Variants in GSG1L observed in about 807,000 individuals in gnomAD.
GSG1L encodes the protein germ cell-specific gene 1-like protein.
A neutral mutation model predicts 42.1 loss-of-function variants in GSG1L; 24 were observed. That is an observed-to-expected ratio of 0.57 (90% CI 0.41 to 0.80). The LOEUF (loss-of-function observed/expected upper bound fraction) is 0.80, where lower values mean the gene tolerates loss of function less well. GSG1L is among the 30% of genes least tolerant of loss of function. The pLI is 0.00. For synonymous variants in GSG1L, 215 were observed against 203.5 expected (o/e 1.06, Z -0.48); for missense variants, 445 against 472.2 (o/e 0.94, Z 0.53).
intron 3 of GSG1L, among the ~76,000 whole-genome samples, chr16:27,846,720 C>T (rs191187139): frequency 1.3e-3 from 193 of 152,030 alleles, no homozygotes; most frequent in African/African-American, 3.8e-3. Flanking sequence ...TTTGGGAGGC[C>T]GAGGCATGCG....
intron 6 of GSG1L, among the ~76,000 whole-genome samples, chr16:27,796,868 T>C (rs1448692926): frequency 1.3e-5 from 2 of 152,130 alleles, no homozygotes; most frequent in African/African-American, 2.4e-5. Context: ...GTGTTGGGCA[T>C]GTATTGTGTG....
At chr16:27,964,918 G>A (rs1433836969) in intron 1 of GSG1L, among the ~76,000 whole-genome samples, 1 of 152,106 alleles carries the variant, frequency 6.6e-6, no homozygotes, top group African/African-American at 2.4e-5. Flanking sequence ...ATTTTTAAAT[G>A]ACAAAAAGAG....
At chr16:27,830,197 T>G (rs1156664824) in intron 4 of GSG1L, among the ~76,000 whole-genome samples, 1 of 152,196 alleles carries the variant, frequency 6.6e-6, no homozygotes, top group Non-Finnish European at 1.5e-5. Flanking sequence ...CTCAGTTACC[T>G]CTGGCCTGGC....
intron 3 of GSG1L, among the ~76,000 whole-genome samples, chr16:27,853,266 G>A (rs868462721): frequency 1.3e-5 from 2 of 152,194 alleles, no homozygotes; most frequent in Non-Finnish European, 2.9e-5. Context: ...AGGTACACCT[G>A]CACATAAGGC....
At chr16:27,873,614 C>G (rs1449991881) in intron 3 of GSG1L, among the ~76,000 whole-genome samples, 1 of 152,166 alleles carries the variant, frequency 6.6e-6, no homozygotes, top group East Asian at 1.9e-4. Context: ...CAAGCAAAGG[C>G]AGAAGGGAGA....
intron 5 of GSG1L, among the ~76,000 whole-genome samples, chr16:27,811,747 C>T (rs2083033854): frequency 6.6e-6 from 1 of 152,254 alleles, no homozygotes; most frequent in African/African-American, 2.4e-5. Flanking sequence ...CTCCTGGGTT[C>T]ACGCAATTCT....
intron 3 of GSG1L, among the ~76,000 whole-genome samples, chr16:27,883,616 T>TAAG (rs1340062747): frequency 6.6e-6 from 1 of 152,228 alleles, no homozygotes; most frequent in Non-Finnish European, 1.5e-5. Context: ...GTTCTTCCAA[T>TAAG]GCGTGAAGAA....
At chr16:27,965,929 A>G (rs1488524280) in intron 1 of GSG1L, among the ~76,000 whole-genome samples, 1 of 152,150 alleles carries the variant, frequency 6.6e-6, no homozygotes, top group Non-Finnish European at 1.5e-5. Context: ...TGTGGCCTGC[A>G]AGACCCTCTG....
intron 1 of GSG1L, among the ~76,000 whole-genome samples, chr16:27,965,063 G>C (rs57558956): frequency 0.079 from 12,086 of 152,108 alleles, 650 homozygotes; most frequent in East Asian, 0.28. Flanking sequence ...CTGTCGCCCA[G>C]GCTGGAGTAC....
intron 2 of GSG1L, among the ~76,000 whole-genome samples, chr16:27,943,988 C>T (rs985382832): frequency 2.6e-5 from 4 of 152,090 alleles, no homozygotes; most frequent in African/African-American, 9.7e-5. Context: ...TCTGATAAAA[C>T]TTTATTTACA....
chr16:27,973,439 CAAAAAAAAAA>C (rs71140935), intron 1 of GSG1L, among the ~76,000 whole-genome samples: 45 of 29,856 alleles, frequency 1.5e-3, no homozygotes, highest in South Asian at 3.9e-3. Flanking sequence ...GACCCCATCA[CAAAAAAAAAA>C]AAAAAAAAAA....
intron 5 of GSG1L, among the ~76,000 whole-genome samples, chr16:27,824,551 A>AAAT (rs1555502285): frequency 6.6e-6 from 1 of 151,802 alleles, no homozygotes; most frequent in Non-Finnish European, 1.5e-5. Flanking sequence ...AGCACAAAAA[A>AAAT]AAAAAGAAAA....
chr16:27,828,192 T>G (rs1027511854), intron 5 of GSG1L, among the ~76,000 whole-genome samples: 1 of 140,844 alleles, frequency 7.1e-6, no homozygotes, highest in Non-Finnish European at 1.6e-5. Context: ...TGTCTATCCA[T>G]CTACCCATCC....
At chr16:27,858,713 G>A (rs1385556060) in intron 3 of GSG1L, among the ~76,000 whole-genome samples, 10 of 152,328 alleles carry the variant, frequency 6.6e-5, no homozygotes, top group Non-Finnish European at 5.9e-5. Flanking sequence ...CAGCAATTTG[G>A]GAGGCCAAGG....
chr16:28,030,773 T>TGGGATGGGATGGGAG (rs2085949677), intron 1 of GSG1L, among the ~76,000 whole-genome samples: 1 of 127,644 alleles, frequency 7.8e-6, no homozygotes, highest in African/African-American at 3.0e-5. Context: ...TGGGATGGGA[T>TGGGATGGGATGGGAG]GGGATGGGAT....
rs570342821 is a variant in GSG1L at position 27,921,272 on chromosome 16, G to A, written c.398-36634C>T. Among the ~76,000 whole-genome samples, 14 of 152,006 alleles carry A rather than the reference G, an allele frequency of 9.2e-5. 1 individual carries two copies. Among genetic ancestry groups the A allele is most frequent in the South Asian group, 6.3e-4 (3 of 4,798 alleles). ...GTATTTCACCTGTTCTTTCCCCACC[G>A]CACCCCCAGTCCTCCATCCAACACA... On this transcript the variant is annotated intron_variant, in intron 2 of 6. Transcript: ENST00000447459.
At chr16:27,988,633 T>G (rs1038694323) in intron 1 of GSG1L, among the ~76,000 whole-genome samples, 2 of 152,174 alleles carry the variant, frequency 1.3e-5, no homozygotes, top group Non-Finnish European at 2.9e-5. Flanking sequence ...AAATTAGCTT[T>G]TGTATTGATA....
chr16:27,842,072 C>T (rs1185323114), intron 4 of GSG1L, among the ~76,000 whole-genome samples: 11 of 151,026 alleles, frequency 7.3e-5, no homozygotes, highest in Admixed American at 2.0e-4. Context: ...CACGATGTCG[C>T]GCGTGCCGAA....
chr16:27,882,448 C>CAA (rs35597973), intron 3 of GSG1L, among the ~76,000 whole-genome samples: 92,850 of 151,714 alleles, frequency 0.61, 28,938 homozygotes, highest in Admixed American at 0.74. Flanking sequence ...TGGTAAAATC[C>CAA]AGACTCTATA....
Sources: allele counts gnomAD v4.1 joint callset (sites outside exome capture counted in the v4.1 genomes callset), GRCh38; gene constraint gnomAD v4.1.1; transcripts MANE v1.5; gene names NCBI Gene and HGNC (gene_info 2026-07-23, HGNC 2026-07-21).